COX16: variants seen among roughly 807,000 people sequenced by gnomAD.
COX16 encodes cytochrome c oxidase assembly factor COX16.
Under a neutral mutation model 15.4 loss-of-function variants are expected in COX16, and 12 were observed. The observed-to-expected ratio is 0.78, with a 90% CI of 0.50 to 1.26. COX16 has a LOEUF of 1.26. Among genes scored for constraint, COX16 ranks in the 50% most tolerant of loss-of-function variants. The pLI is 0.00. For missense variants in COX16, 124 were observed against 127.6 expected (o/e 0.97, Z 0.14); for synonymous variants, 46 against 41.1 (o/e 1.12, Z -0.46).
chr14:70,347,850 G>A (rs1316919481), intron 1 of COX16, among the ~76,000 whole-genome samples: 1 of 152,004 alleles, frequency 6.6e-6, no homozygotes, highest in African/African-American at 2.4e-5. Flanking sequence ...AGGACTAGTG[G>A]GATATGTTAG....
At chr14:70,327,555 TTACATATA>T (rs779261151) in intron 3 of COX16, among the ~76,000 whole-genome samples, 1 of 152,104 alleles carries the variant, frequency 6.6e-6, no homozygotes, top group Non-Finnish European at 1.5e-5. Flanking sequence ...GGAGTCTGTA[TTACATATA>T]TACATGAAGG....
chr14:70,340,834 A>C (rs1215708821), intron 2 of COX16, among the ~76,000 whole-genome samples: 3 of 152,188 alleles, frequency 2.0e-5, no homozygotes, highest in African/African-American at 7.2e-5. Context: ...GCCTAATTCA[A>C]AGGCTAATGC....
At chr14:70,343,278 C>G (rs1043505421) in intron 1 of COX16, among the ~76,000 whole-genome samples, 12 of 152,218 alleles carry the variant, frequency 7.9e-5, no homozygotes, top group African/African-American at 2.9e-4. Flanking sequence ...ACTTCACTTT[C>G]CTGTTTTGTC....
At position 70,325,573 on chromosome 14, in the gene COX16, A is replaced by G. The variant is rs1450063772; in HGVS notation, c.*760T>C. ...CAGCCTGGGCGAACAGAGCGAGACT[A>G]TGTCTCAAAACAAAACAAAAACACT... is the stretch of plus-strand genomic sequence containing the variant. On this transcript the variant is annotated 3_prime_UTR_variant, in exon 4 of 4. Coordinates refer to ENST00000389912, the MANE Select transcript of COX16 (RefSeq NM_016468.7). The G allele has an allele frequency of 2.0e-5, 3 of 152,212 alleles. No homozygotes were observed. Among genetic ancestry groups the G allele is most frequent in the Admixed American group, 2.0e-4 (3 of 15,284 alleles). 9.4% of individuals were successfully genotyped at this position (152,212 alleles called of 1,614,324 possible). A position where few individuals can be genotyped will look rare whatever the true frequency, so the allele number is the denominator to read the frequency against.
intron 3 of COX16, among the ~76,000 whole-genome samples, chr14:70,327,916 T>A (rs1459508997): frequency 6.6e-6 from 1 of 152,058 alleles, no homozygotes; most frequent in East Asian, 1.9e-4. Flanking sequence ...TGGAACAGCG[T>A]CAAGAAATGC....
At chr14:70,344,174 G>A (rs1341453934) in intron 1 of COX16, among the ~76,000 whole-genome samples, 1 of 152,234 alleles carries the variant, frequency 6.6e-6, no homozygotes, top group Non-Finnish European at 1.5e-5. Flanking sequence ...TTACAATAGC[G>A]ATGTTATCCC....
intron 1 of COX16, among the ~76,000 whole-genome samples, chr14:70,344,531 A>G (rs1024243697): frequency 2.0e-5 from 3 of 152,242 alleles, no homozygotes; most frequent in African/African-American, 7.2e-5. Context: ...AATGACCACA[A>G]GGAGAAACTC....
intron 1 of COX16, among the ~76,000 whole-genome samples, chr14:70,357,357 A>C (rs1887162472): frequency 6.6e-6 from 1 of 152,108 alleles, no homozygotes; most frequent in Non-Finnish European, 1.5e-5. Context: ...TGCCCAAGAA[A>C]GACCTGAGAA....
chr14:70,331,748 ACACCCT>A (rs1886298728), intron 2 of COX16, among the ~76,000 whole-genome samples: 1 of 12,262 alleles, frequency 8.2e-5, no homozygotes, highest in Non-Finnish European at 1.9e-4. Flanking sequence ...GTATGATACA[ACACCCT>A]ATAATCTAGC....
chr14:70,331,164 C>T (rs1245734907), intron 2 of COX16, among the ~76,000 whole-genome samples: 7 of 152,048 alleles, frequency 4.6e-5, no homozygotes, highest in South Asian at 4.2e-4. Context: ...TGTGCCACTA[C>T]GCCCGGCTAA....
intron 2 of COX16, among the ~76,000 whole-genome samples, chr14:70,340,724 T>G (rs1348764776): frequency 6.6e-6 from 1 of 152,204 alleles, no homozygotes; most frequent in East Asian, 1.9e-4. Context: ...GCCAGAGAGT[T>G]AGTTCTAAAA....
At chr14:70,358,179 G>T (rs1021153565) in intron 1 of COX16, among the ~76,000 whole-genome samples, 2 of 152,076 alleles carry the variant, frequency 1.3e-5, no homozygotes, top group Non-Finnish European at 2.9e-5. Flanking sequence ...AAATTTACGG[G>T]TAGAAGTAGA....
In COX16 at chr14:70,326,343, T is replaced by C; in HGVS notation, c.311A>G (p.Lys104Arg). ...QGRNPESLKT[K>R]TT is the part of the protein sequence containing the mutation. Reference sequence around the variant, plus strand: ...AAAGAATCAGCAGAGTCAAGTTGTCTTAGTCTTAAGGCTTTCTGGATTTCT... The same window carrying C: ...AAAGAATCAGCAGAGTCAAGTTGTCCTAGTCTTAAGGCTTTCTGGATTTCT... The change falls in exon 4 of 4, where the codon AAG becomes AGG. Residue 104 changes from lysine to arginine, a missense_variant. Coordinates refer to ENST00000389912, the MANE Select transcript of COX16 (RefSeq NM_016468.7). 1 of 1,529,380 alleles carries C rather than the reference T, an allele frequency of 6.5e-7. No homozygotes were observed. Among genetic ancestry groups the C allele is most frequent in the Non-Finnish European group, 8.8e-7 (1 of 1,139,962 alleles). 94.7% of individuals were successfully genotyped at this position (1,529,380 alleles called of 1,614,324 possible).
At chr14:70,356,657 A>G (rs1887133966) in intron 1 of COX16, among the ~76,000 whole-genome samples, 2 of 152,200 alleles carry the variant, frequency 1.3e-5, no homozygotes, top group Admixed American at 6.5e-5. Flanking sequence ...CTTGAAACAA[A>G]TGGAAAATTA....
intron 1 of COX16, 60 bp downstream of exon 1, chr14:70,359,459 T>G: frequency 6.8e-7 from 1 of 1,466,174 alleles, no homozygotes. Context: ...CTCCCAGGTC[T>G]TGATCCTGCC....
intron 1 of COX16, among the ~76,000 whole-genome samples, chr14:70,346,143 A>T (rs1394120614): frequency 1.3e-5 from 2 of 151,944 alleles, no homozygotes; most frequent in African/African-American, 4.8e-5. Context: ...ACGAACCATT[A>T]TCTTAAACCT....
intron 1 of COX16, among the ~76,000 whole-genome samples, chr14:70,354,894 T>G (rs1190755286): frequency 1.3e-5 from 2 of 151,400 alleles, no homozygotes; most frequent in African/African-American, 4.9e-5. Flanking sequence ...ACTTACTGCC[T>G]GTTACCATAG....
chr14:70,345,894 A>G (rs1175771681), intron 1 of COX16, among the ~76,000 whole-genome samples: 1 of 149,352 alleles, frequency 6.7e-6, no homozygotes, highest in Non-Finnish European at 1.5e-5. Flanking sequence ...ATCTTTTTTA[A>G]CCCCCCAAGC....
rs146019798 is a variant in COX16 at position 70,326,444 on chromosome 14, G to A, written c.210C>T (p.Ile70=). The A allele has an allele frequency of 3.6e-5, 57 of 1,581,392 alleles. No individual in the cohort carries two copies. Among genetic ancestry groups the A allele is most frequent in the Non-Finnish European group, 4.5e-5 (52 of 1,166,942 alleles). Residue 70 remains isoleucine (I), a synonymous_variant, in exon 4 of 4, where the codon ATC becomes ATT. Transcript: ENST00000389912. Reference sequence around the variant, plus strand: ...TCCAGTCATCAAACTTGGAGTCTTTGATTTTCTATAGAACCACAAAAAATT... The same window carrying A: ...TCCAGTCATCAAACTTGGAGTCTTTAATTTTCTATAGAACCACAAAAAATT... ...KISLESEYEK[I]KDSKFDDWKN...
Sources: gnomAD v4.1 joint callset for allele counts (sites outside exome capture counted in the v4.1 genomes callset) on GRCh38, gnomAD v4.1.1 for gene constraint, MANE v1.5 for transcripts, NCBI Gene and HGNC (gene_info 2026-07-23, HGNC 2026-07-21) for gene names.